The following SH3BGR variants were observed in gnomAD, a reference collection of about 807,000 sequenced individuals.
SH3BGR encodes SH3 domain binding glutamate rich protein, also known as SH3 domain-binding glutamic acid-rich protein.
In SH3BGR, 29 loss-of-function variants were observed where a neutral mutation model predicts 24.5. The ratio of observed to expected loss-of-function variants is 1.18; its 90% confidence interval spans 0.88 to 1.61. The LOEUF (loss-of-function observed/expected upper bound fraction) is 1.61, where lower values mean the gene tolerates loss of function less well. Ranked by LOEUF, SH3BGR falls within the 40% of genes most tolerant of loss-of-function variation. SH3BGR has a pLI of 0.00. For missense variants in SH3BGR, 162 were observed against 205.8 expected (o/e 0.79, Z 1.30); for synonymous variants, 55 against 65.7 (o/e 0.84, Z 0.79).
At chr21:39,486,820 A>G (rs1175041315) in intron 3 of SH3BGR, among the ~76,000 whole-genome samples, 1 of 151,862 alleles carries the variant, frequency 6.6e-6, no homozygotes, top group Non-Finnish European at 1.5e-5. Flanking sequence ...AAGTTCAAGC[A>G]CTTTCCTGCG....
chr21:39,510,185 G>A (rs1046241595), intron 5 of SH3BGR, among the ~76,000 whole-genome samples: 2 of 125,984 alleles, frequency 1.6e-5, no homozygotes, highest in South Asian at 4.8e-4. Context: ...CTTGTGATCC[G>A]CCCGCCTCGG....
chr21:39,452,910 T>C (rs1444632620), intron 1 of SH3BGR, among the ~76,000 whole-genome samples: 2 of 152,202 alleles, frequency 1.3e-5, no homozygotes, highest in Non-Finnish European at 2.9e-5. Flanking sequence ...ACCTATATAG[T>C]GTCTGTCTGT....
At chr21:39,507,587 C>A (rs1047604901) in intron 4 of SH3BGR, among the ~76,000 whole-genome samples, 1 of 152,158 alleles carries the variant, frequency 6.6e-6, no homozygotes, top group East Asian at 1.9e-4. Flanking sequence ...CCCGCCTTGG[C>A]CTCCCAAAGT....
chr21:39,496,439 G>T (rs574136405), intron 3 of SH3BGR, among the ~76,000 whole-genome samples: 96 of 149,510 alleles, frequency 6.4e-4, no homozygotes, highest in Non-Finnish European at 1.1e-3. Flanking sequence ...AGCGGAGCTT[G>T]CAGTGAGCCG....
intron 3 of SH3BGR, among the ~76,000 whole-genome samples, chr21:39,495,226 G>A (rs2078373501): frequency 6.6e-6 from 1 of 152,106 alleles, no homozygotes. Context: ...TTGAGAATGA[G>A]TAACATTTTC....
intron 3 of SH3BGR, among the ~76,000 whole-genome samples, chr21:39,484,577 A>G (rs987025038): frequency 6.6e-6 from 1 of 152,026 alleles, no homozygotes; most frequent in Non-Finnish European, 1.5e-5. Flanking sequence ...AGGTACTGTC[A>G]TATTATATAA....
chr21:39,493,000 G>A (rs957293863), intron 3 of SH3BGR, among the ~76,000 whole-genome samples: 12 of 152,080 alleles, frequency 7.9e-5, no homozygotes, highest in African/African-American at 2.2e-4. Flanking sequence ...TGAGTTCATT[G>A]TAGATTCTGG....
At chr21:39,455,254 G>T (rs1602064382) in intron 1 of SH3BGR, among the ~76,000 whole-genome samples, 1 of 152,210 alleles carries the variant, frequency 6.6e-6, no homozygotes, top group Non-Finnish European at 1.5e-5. Context: ...AATGTAACAG[G>T]ATAGGAAAAC....
chr21:39,451,885 G>A (rs1254001994), upstream of SH3BGR: 2 of 1,610,752 alleles, frequency 1.2e-6, no homozygotes, highest in South Asian at 2.2e-5. Context: ...ATATTCCTGG[G>A]CCAATGGAGG....
At chr21:39,492,694 T>G (rs991081106) in intron 3 of SH3BGR, among the ~76,000 whole-genome samples, 1 of 152,172 alleles carries the variant, frequency 6.6e-6, no homozygotes, top group African/African-American at 2.4e-5. Flanking sequence ...TTAAGAAATA[T>G]CCATACTGTT....
intron 1 of SH3BGR, among the ~76,000 whole-genome samples, chr21:39,457,973 CAAAG>C (rs1369043208): frequency 4.6e-5 from 7 of 151,932 alleles, no homozygotes; most frequent in Non-Finnish European, 2.9e-5. Flanking sequence ...AAACCCCAAA[CAAAG>C]AAACACCCTA....
rs1046489832 is a variant in SH3BGR, at chr21:39,476,038, C to T, written c.312+823C>T. Among the ~76,000 whole-genome samples, 8 of 152,138 alleles carry T rather than the reference C, an allele frequency of 5.3e-5. No homozygotes were observed. The East Asian group carries it at 9.6e-4, about 18-fold the overall frequency. On this transcript the variant is annotated intron_variant, in intron 3 of 6. Coordinates refer to ENST00000333634, the MANE Select transcript of SH3BGR (RefSeq NM_007341.3). ...GAGACACACACGTGGAAGCTGCGAA[C>T]GCATGTAGATGGAGCTGAAGTCATG...
At position 39,453,326 on chromosome 21, in the gene SH3BGR, C is replaced by T. The variant is rs116420377; in HGVS notation, c.45+1185C>T. ...AACACACTCCAAATGTGAAACTCTGCGAAATCTTTTGTGGCTATTGATGAC... is the reference window on the plus strand; with the variant it reads ...AACACACTCCAAATGTGAAACTCTGTGAAATCTTTTGTGGCTATTGATGAC... On this transcript the variant is annotated intron_variant, in intron 1 of 6. Coordinates refer to ENST00000333634, the MANE Select transcript of SH3BGR (RefSeq NM_007341.3). Among the ~76,000 whole-genome samples the T allele has an allele frequency of 2.7e-3, 411 of 152,210 alleles. 2 individuals are homozygous for T. Among genetic ancestry groups the T allele is most frequent in the African/African-American group, 8.7e-3 (363 of 41,532 alleles).
At position 39,499,300 on chromosome 21, in the gene SH3BGR, C is replaced by T. The variant is rs889685852; in HGVS notation, c.313-523C>T. ...TATCTATGTCTGTCTGCCTGCCTAC[C>T]CATCTGTTTGCCCATCCATCCATTC... On this transcript the variant is annotated intron_variant, in intron 3 of 6. Coordinates refer to ENST00000333634, the MANE Select transcript of SH3BGR (RefSeq NM_007341.3). Among the ~76,000 whole-genome samples, 119 of 91,052 alleles carry T rather than the reference C, an allele frequency of 1.3e-3. 1 individual carries two copies. Among genetic ancestry groups the T allele is most frequent in the Non-Finnish European group, 5.1e-4 (18 of 35,424 alleles). 59.7% of individuals were successfully genotyped at this position (91,052 alleles called of 152,430 possible). A position where few individuals can be genotyped will look rare whatever the true frequency, so the allele number is the denominator to read the frequency against.
At chr21:39,456,055 A>AT (rs1602066236) in intron 1 of SH3BGR, among the ~76,000 whole-genome samples, 1 of 152,208 alleles carries the variant, frequency 6.6e-6, no homozygotes, top group African/African-American at 2.4e-5. Flanking sequence ...TAGAAGAAAC[A>AT]TAAGTCAAGA....
At chr21:39,500,961 A>G (rs942058930) in intron 4 of SH3BGR, among the ~76,000 whole-genome samples, 2 of 152,236 alleles carry the variant, frequency 1.3e-5, no homozygotes, top group African/African-American at 4.8e-5. Context: ...AAATGTTGAT[A>G]TTACAACTCT....
chr21:39,477,350 A>G (rs1351754004), intron 3 of SH3BGR, among the ~76,000 whole-genome samples: 1 of 152,114 alleles, frequency 6.6e-6, no homozygotes, highest in Non-Finnish European at 1.5e-5. Flanking sequence ...TGCCCAGGCT[A>G]GTTTTGAACT....
chr21:39,472,692 G>A (rs2077961847), intron 2 of SH3BGR, among the ~76,000 whole-genome samples: 1 of 152,178 alleles, frequency 6.6e-6, no homozygotes, highest in Admixed American at 6.5e-5. Context: ...TCACCCAGAA[G>A]CAAAGTTGAA....
In SH3BGR at chr21:39,511,572, T is replaced by TG. The variant is rs2078696122; in HGVS notation, c.436-104dup. On this transcript the variant is annotated intron_variant, in intron 5 of 6. Coordinates refer to ENST00000333634, the MANE Select transcript of SH3BGR (RefSeq NM_007341.3). This position sits in a 1 kb window ranked among gnomAD's most constrained non-coding sequence, Gnocchi z 4.2. The stretch of plus-strand genomic sequence containing the variant: ...GTGTGTTTGTTTGTGTGTTGTGTGG[T>TG]GGGGTGTGGGAGGCTTTGACCTCTA... 1.0e-6 allele frequency: 1 copy of TG among 954,542 alleles called. No individual in the cohort carries two copies. The highest frequency in any genetic ancestry group is 1.6e-5 in the African/African-American group (1 of 60,740). 59.1% of individuals were successfully genotyped at this position (954,542 alleles called of 1,614,324 possible).
Sources: allele counts gnomAD v4.1 joint callset (sites outside exome capture counted in the v4.1 genomes callset), GRCh38; gene constraint gnomAD v4.1.1; non-coding constraint Gnocchi (gnomAD v3.1); transcripts MANE v1.5; gene names NCBI Gene and HGNC (gene_info 2026-07-23, HGNC 2026-07-21).